Variants in LRRTM4 observed in about 807,000 individuals in gnomAD.
LRRTM4 encodes the protein leucine rich repeat transmembrane neuronal 4.
A neutral mutation model predicts 47.6 loss-of-function variants in LRRTM4; 25 were observed. The observed-to-expected ratio is 0.53, with a 90% CI of 0.38 to 0.73. The LOEUF is 0.73. LRRTM4 is among the 30% of genes least tolerant of loss of function. LRRTM4 has a pLI of 0.00. For missense variants in LRRTM4, 638 were observed against 713.4 expected, an observed-to-expected ratio of 0.89 and a Z score of 1.20; for synonymous variants, 311 against 269.5, an observed-to-expected ratio of 1.15 and a Z score of -1.51.
At chr2:76,893,062 A>G (rs2103718856) in intron 3 of LRRTM4, among the ~76,000 whole-genome samples, 1 of 151,668 alleles carries the variant, frequency 6.6e-6, no homozygotes, top group East Asian at 1.9e-4. Context: ...ACAAGCAAAA[A>G]AAAAAAAATC....
intron 3 of LRRTM4, among the ~76,000 whole-genome samples, chr2:76,902,807 A>G (rs1367477418): frequency 6.6e-6 from 1 of 152,178 alleles, no homozygotes; most frequent in African/African-American, 2.4e-5. Context: ...TGAGTTGTAC[A>G]TTAGATGGCC....
Position 77,285,443 on chromosome 2 carries a change from T to C in LRRTM4, c.1551+232875A>G, listed in dbSNP as rs1015159984. ...AGAGAAATCCCATAACAAAGAGAAATACTAAAAATAGATCCTGGCCAGGTG... is the reference window on the plus strand; with the variant it reads ...AGAGAAATCCCATAACAAAGAGAAACACTAAAAATAGATCCTGGCCAGGTG... On this transcript the variant is annotated intron_variant, in intron 3 of 3. Coordinates refer to ENST00000409884, the MANE Select transcript of LRRTM4 (RefSeq NM_001134745.3). Among the ~76,000 whole-genome samples, 7 of 146,738 alleles carry C rather than the reference T, an allele frequency of 4.8e-5. 1 individual carries two copies. The highest frequency in any genetic ancestry group is 1.5e-5 in the Non-Finnish European group (1 of 66,918).
intron 3 of LRRTM4, among the ~76,000 whole-genome samples, chr2:76,932,861 A>T (rs543686347): frequency 8.3e-4 from 127 of 152,186 alleles, no homozygotes; most frequent in African/African-American, 3.0e-3. Flanking sequence ...AAATTTTATT[A>T]TACTTTAAGT....
chr2:77,355,307 TC>T (rs1256311433), intron 3 of LRRTM4, among the ~76,000 whole-genome samples: 1 of 152,112 alleles, frequency 6.6e-6, no homozygotes, highest in Non-Finnish European at 1.5e-5. Flanking sequence ...ACATCAAATA[TC>T]CCCTCCTTAA....
chr2:77,184,587 A>G (rs1164572194), intron 3 of LRRTM4, among the ~76,000 whole-genome samples: 1 of 152,302 alleles, frequency 6.6e-6, no homozygotes, highest in South Asian at 2.1e-4. Flanking sequence ...AGGATTCTAC[A>G]TAAAGCCTTT....
chr2:77,276,454 A>T (rs1223784687), intron 3 of LRRTM4, among the ~76,000 whole-genome samples: 1 of 150,202 alleles, frequency 6.7e-6, no homozygotes, highest in African/African-American at 2.4e-5. Context: ...AAAGGAAAGA[A>T]TCTTGTCATA....
intron 3 of LRRTM4, among the ~76,000 whole-genome samples, chr2:77,255,456 CA>C (rs758576787): frequency 7.2e-5 from 11 of 151,998 alleles, no homozygotes; most frequent in Non-Finnish European, 1.6e-4. Flanking sequence ...TACCCATCAA[CA>C]GGAGATTACA....
chr2:76,901,324 A>C (rs1673624451), intron 3 of LRRTM4, among the ~76,000 whole-genome samples: 1 of 152,106 alleles, frequency 6.6e-6, no homozygotes, highest in South Asian at 2.1e-4. Context: ...TTCCTGCATT[A>C]GTTTGCTTAG....
chr2:76,792,787 G>C (rs115687094), intron 3 of LRRTM4, among the ~76,000 whole-genome samples: 187 of 152,170 alleles, frequency 1.2e-3, no homozygotes, highest in African/African-American at 4.1e-3. Flanking sequence ...CCTCAACTTA[G>C]AAAATTAGCT....
chr2:77,195,225 G>T (rs1673776709), intron 3 of LRRTM4, among the ~76,000 whole-genome samples: 1 of 151,650 alleles, frequency 6.6e-6, no homozygotes, highest in Non-Finnish European at 1.5e-5. Context: ...TTCTCCCATT[G>T]TATTTGCTAT....
At chr2:76,842,467 C>T (rs1002621967) in intron 3 of LRRTM4, among the ~76,000 whole-genome samples, 7 of 152,010 alleles carry the variant, frequency 4.6e-5, no homozygotes, top group Non-Finnish European at 1.0e-4. Context: ...TTGAAAATAC[C>T]ATAAGTCGAA....
Position 76,883,018 on chromosome 2 carries a change from G to A in LRRTM4, c.1552-134102C>T, listed in dbSNP as rs114260456. Among the ~76,000 whole-genome samples the A allele has an allele frequency of 2.5e-3, 375 of 152,208 alleles. 7 individuals carry two copies. The highest frequency in any genetic ancestry group is 8.7e-3 in the African/African-American group (361 of 41,530). On this transcript the variant is annotated intron_variant, in intron 3 of 3. Transcript: ENST00000409884. ...AAGCTGGCTCCACTCTGCCAGCCAGGTAAAGTCTCAACTCCTTACCATGGC... is the reference window on the plus strand; with the variant it reads ...AAGCTGGCTCCACTCTGCCAGCCAGATAAAGTCTCAACTCCTTACCATGGC...
At chr2:77,153,293 T>A (rs971067773) in intron 3 of LRRTM4, among the ~76,000 whole-genome samples, 1 of 152,172 alleles carries the variant, frequency 6.6e-6, no homozygotes, top group Non-Finnish European at 1.5e-5. Context: ...AGGAGAATGC[T>A]TTCCTGCCCA....
chr2:77,459,629 C>T (rs1676700083), intron 3 of LRRTM4, among the ~76,000 whole-genome samples: 1 of 151,754 alleles, frequency 6.6e-6, no homozygotes, highest in Admixed American at 6.6e-5. Context: ...TTATGTTAAA[C>T]ATATCTAATG....
At chr2:77,498,364 T>A (rs1678443143) in intron 3 of LRRTM4, among the ~76,000 whole-genome samples, 1 of 151,800 alleles carries the variant, frequency 6.6e-6, no homozygotes, top group African/African-American at 2.4e-5. Flanking sequence ...GACTCCAAAT[T>A]TTTTCCCTGA....
intron 3 of LRRTM4, among the ~76,000 whole-genome samples, chr2:77,017,379 T>C (rs75899456): frequency 0.013 from 2,010 of 152,332 alleles, 19 homozygotes; most frequent in Non-Finnish European, 0.017. Flanking sequence ...ACAAATGCCA[T>C]CCTTATTGGC....
chr2:76,829,517 AC>A (rs1278975222), intron 3 of LRRTM4, among the ~76,000 whole-genome samples: 4 of 137,702 alleles, frequency 2.9e-5, no homozygotes, highest in Non-Finnish European at 6.1e-5. Context: ...ATCTCTAATT[AC>A]ATACTGTCAT....
intron 3 of LRRTM4, among the ~76,000 whole-genome samples, chr2:77,191,123 T>G (rs1158250432): frequency 6.6e-6 from 1 of 152,120 alleles, no homozygotes; most frequent in African/African-American, 2.4e-5. Context: ...AACATGATTA[T>G]GTAAGAGAGC....
chr2:76,883,758 A>G (rs1672994846), intron 3 of LRRTM4, among the ~76,000 whole-genome samples: 1 of 152,162 alleles, frequency 6.6e-6, no homozygotes, highest in Non-Finnish European at 1.5e-5. Flanking sequence ...AGCTTTCATG[A>G]TCTGGGAGAA....
Sources: gnomAD v4.1 joint callset for allele counts (sites outside exome capture counted in the v4.1 genomes callset) on GRCh38, gnomAD v4.1.1 for gene constraint, MANE v1.5 for transcripts, NCBI Gene and HGNC (gene_info 2026-07-23, HGNC 2026-07-21) for gene names.